CDK5RAP2: variants seen among roughly 807,000 people sequenced by gnomAD.
CDK5RAP2 encodes CDK5 regulatory subunit associated protein 2.
In CDK5RAP2, 147 loss-of-function variants were observed where a neutral mutation model predicts 232.9. That is an observed-to-expected ratio of 0.63 (90% CI 0.55 to 0.72). CDK5RAP2 has a LOEUF of 0.72. CDK5RAP2 is among the 30% of genes least tolerant of loss of function. The pLI is 0.00. For missense variants in CDK5RAP2, 2,195 were observed against 2,231.5 expected, an observed-to-expected ratio of 0.98 and a Z score of 0.33; for synonymous variants, 833 against 833.7, an observed-to-expected ratio of 1.00 and a Z score of 0.01.
At chr9:120,559,002 A>G (rs548755029) in intron 3 of CDK5RAP2, among the ~76,000 whole-genome samples, 1 of 152,332 alleles carries the variant, frequency 6.6e-6, no homozygotes, top group Admixed American at 6.5e-5. Context: ...TAAATGAGTG[A>G]ACAAATTAAT....
At position 120,518,497 on chromosome 9, in the gene CDK5RAP2, T is replaced by G; in HGVS notation, c.1241A>C (p.Glu414Ala). ...CAGGTCCTTCTCCAGTCTCTCCCTC[T>G]CCTGCTGCAAGTCACTCAGCTCCTG... ...ITQELSDLQQ[E>A]RERLEKDLEE... The change falls in exon 12 of 38, where the codon GAG (glutamate) becomes GCG (alanine). Residue 414 changes from glutamate (E) to alanine (A), a missense_variant. By Grantham distance (107) the Glu-to-Ala change is moderately radical. Coordinates refer to ENST00000349780, the MANE Select transcript of CDK5RAP2 (RefSeq NM_018249.6). 1 of 1,613,754 alleles carries G rather than the reference T, an allele frequency of 6.2e-7. No individual in the cohort carries two copies. The highest frequency in any genetic ancestry group is 1.1e-5 in the South Asian group (1 of 90,988).
intron 5 of CDK5RAP2, among the ~76,000 whole-genome samples, chr9:120,539,840 G>A (rs2041551483): frequency 6.6e-6 from 1 of 152,192 alleles, no homozygotes; most frequent in African/African-American, 2.4e-5. Flanking sequence ...TTCTCAGCAA[G>A]GGGCTTCCAA....
Position 120,572,182 on chromosome 9 carries a change from A to T in CDK5RAP2, c.60-141T>A. On this transcript the variant is annotated intron_variant, in intron 1 of 37. Coordinates refer to ENST00000349780, the MANE Select transcript of CDK5RAP2 (RefSeq NM_018249.6). ...GGGCTACCTATGTGGCATGAAGCAC[A>T]GAGGTTAAGAACTCAGGCTTTGGGG... 3 of 721,478 alleles carry T rather than the reference A, an allele frequency of 4.2e-6. No individual in the cohort carries two copies. In the South Asian group the frequency reaches 4.4e-5, roughly 11 times the overall value. 44.7% of individuals were successfully genotyped at this position (721,478 alleles called of 1,614,324 possible). A position where few individuals can be genotyped will look rare whatever the true frequency, so the allele number is the denominator to read the frequency against.
chr9:120,545,890 A>T (rs1445071919), intron 4 of CDK5RAP2, 100 bp from the exon 5 acceptor site: 1 of 906,788 alleles, frequency 1.1e-6, no homozygotes, highest in Non-Finnish European at 1.8e-6. Flanking sequence ...TGACTACAGG[A>T]TGCTTGTAAT....
At chr9:120,577,360 CAAAAA>C (rs34908774) in intron 1 of CDK5RAP2, among the ~76,000 whole-genome samples, 1 of 125,334 alleles carries the variant, frequency 8.0e-6, no homozygotes. Flanking sequence ...GACCCTGTCT[CAAAAA>C]AAAAAAAAAA....
At chr9:120,537,394 C>T (rs935286968) in intron 6 of CDK5RAP2, among the ~76,000 whole-genome samples, 3 of 152,088 alleles carry the variant, frequency 2.0e-5, no homozygotes, top group Admixed American at 1.3e-4. Flanking sequence ...TCCACAGTGC[C>T]GCCCCCACCA....
chr9:120,505,175 A>C (rs920939628), intron 12 of CDK5RAP2, among the ~76,000 whole-genome samples: 3 of 151,838 alleles, frequency 2.0e-5, no homozygotes, highest in African/African-American at 7.3e-5. Context: ...TCACTTTTCC[A>C]ACAGCATGTG....
At chr9:120,400,958 G>A (rs757341724) in intron 34 of CDK5RAP2, 73 bp from the exon 35 acceptor site, 13 of 1,548,850 alleles carry the variant, frequency 8.4e-6, no homozygotes, top group Non-Finnish European at 9.8e-6. Context: ...TTAACATGCA[G>A]TATAAATCTC....
chr9:120,578,922 A>C (rs938554583), intron 1 of CDK5RAP2, among the ~76,000 whole-genome samples: 3 of 152,142 alleles, frequency 2.0e-5, no homozygotes, highest in African/African-American at 7.2e-5. Flanking sequence ...CACCCTTTCA[A>C]TTAGGATCTG....
Position 120,477,412 on chromosome 9 carries a change from C to T in CDK5RAP2, c.1665G>A (p.Gln555=). The T allele has an allele frequency of 6.2e-7, 1 of 1,613,962 alleles. No homozygotes were observed. ...AGATGTCCTGCTCTTTCTTTAAGAC[C>T]TGAATCAGCTCTTCATAGTCTGATG... ...KQSSDYEELI[Q]VLKKEQDIYT... is the part of the protein sequence containing the mutation. The change falls in exon 15 of 38, where the codon CAG becomes CAA. Residue 555 remains glutamine, a synonymous_variant. Transcript: ENST00000349780.
At chr9:120,452,533 C>T (rs988593908) in intron 21 of CDK5RAP2, among the ~76,000 whole-genome samples, 2 of 151,878 alleles carry the variant, frequency 1.3e-5, no homozygotes, top group African/African-American at 2.4e-5. Flanking sequence ...ATTAGAAACA[C>T]GACCTATTTC....
chr9:120,538,614 T>G (rs1353698864), intron 6 of CDK5RAP2, among the ~76,000 whole-genome samples: 1 of 152,208 alleles, frequency 6.6e-6, no homozygotes, highest in East Asian at 1.9e-4. Context: ...GGTTCCAGGC[T>G]TGACTAATGT....
chr9:120,401,610 C>CAAAAAA (rs142588120), intron 34 of CDK5RAP2, among the ~76,000 whole-genome samples: 1 of 61,530 alleles, frequency 1.6e-5, no homozygotes, highest in Non-Finnish European at 3.0e-5. Flanking sequence ...GACCCTGTCT[C>CAAAAAA]AAAAAAAAAA....
chr9:120,538,171 G>A (rs1158701890), intron 6 of CDK5RAP2, among the ~76,000 whole-genome samples: 1 of 152,106 alleles, frequency 6.6e-6, no homozygotes, highest in African/African-American at 2.4e-5. Flanking sequence ...GGGCCTAATA[G>A]CTACATAACC....
At chr9:120,468,749 G>A (rs2037525762) in intron 17 of CDK5RAP2, among the ~76,000 whole-genome samples, 1 of 152,246 alleles carries the variant, frequency 6.6e-6, no homozygotes, top group Non-Finnish European at 1.5e-5. Flanking sequence ...CACAGGCAGA[G>A]TTGGGCCTGG....
rs1275481944 is a variant in CDK5RAP2, at chr9:120,525,027, C to T, written c.1051G>A (p.Ala351Thr). 3 of 1,614,106 alleles carry T rather than the reference C, an allele frequency of 1.9e-6. No individual in the cohort carries two copies. The Admixed American group carries it at 5.0e-5, about 27-fold the overall frequency. Residue 351 changes from alanine (A) to threonine (T), a missense_variant, in exon 11 of 38, where the codon GCC (alanine) becomes ACC (threonine). By Grantham distance (58) the Ala-to-Thr change is moderately conservative. Coordinates refer to ENST00000349780, the MANE Select transcript of CDK5RAP2 (RefSeq NM_018249.6). ...TGTGCTTTCTGTAGGGCCTCTCTGG[C>T]TTTAGCAAAGGCAGCACTGAGCTTT... is the stretch of plus-strand genomic sequence containing the variant. Reference protein sequence around the residue: ...IEKLSAAFAKAREALQKAQTQ... With the variant: ...IEKLSAAFAKTREALQKAQTQ...
intron 5 of CDK5RAP2, among the ~76,000 whole-genome samples, chr9:120,542,406 G>A (rs994807832): frequency 3.3e-5 from 5 of 151,792 alleles, no homozygotes; most frequent in Non-Finnish European, 5.9e-5. Flanking sequence ...TCGGGAGGCT[G>A]AGGCAGAAGA....
chr9:120,544,382 C>T (rs2041756032), intron 5 of CDK5RAP2, among the ~76,000 whole-genome samples: 1 of 150,888 alleles, frequency 6.6e-6, no homozygotes, highest in Admixed American at 6.7e-5. Flanking sequence ...CAAAAAACAA[C>T]AACAACAATA....
intron 3 of CDK5RAP2, among the ~76,000 whole-genome samples, chr9:120,562,567 T>C (rs10984956): frequency 0.11 from 16,700 of 152,020 alleles, 1,242 homozygotes; most frequent in East Asian, 0.29. Context: ...CCACTTCCAC[T>C]GAGCGGCATC....
Sources: allele counts gnomAD v4.1 joint callset (sites outside exome capture counted in the v4.1 genomes callset), GRCh38; gene constraint gnomAD v4.1.1; transcripts MANE v1.5; gene names NCBI Gene and HGNC (gene_info 2026-07-23, HGNC 2026-07-21).